Variants in DYNC1H1 observed in about 807,000 individuals in gnomAD.
DYNC1H1 encodes cytoplasmic dynein 1 heavy chain 1.
A neutral mutation model predicts 527.1 loss-of-function variants in DYNC1H1; 51 were observed. The observed-to-expected ratio is 0.10, with a 90% CI of 0.08 to 0.12. DYNC1H1 has a LOEUF of 0.12. Ranked by LOEUF, DYNC1H1 falls within the 10% of genes least tolerant of loss-of-function variation. DYNC1H1 has a pLI of 1.00. For synonymous variants in DYNC1H1, 2,189 were observed against 2,278.8 expected (o/e 0.96, Z 1.12); for missense variants, 2,771 against 5,971.8 (o/e 0.46, Z 17.66).
chr14:102,044,124 G>A lies in DYNC1H1; in HGVS notation c.12684+79G>A, dbSNP rs1595633160. 1 of 1,595,044 alleles carries A rather than the reference G, an allele frequency of 6.3e-7. No homozygotes were observed. The highest frequency in any genetic ancestry group is 1.7e-5 in the Admixed American group (1 of 57,876). The stretch of plus-strand genomic sequence containing the variant: ...TGCAGGGCGTGGTGCTGAGAGGCCA[G>A]ACTCTGCGTGGAAGAGCGAGCTGAC... On this transcript the variant is annotated intron_variant, in intron 70 of 77. Coordinates refer to ENST00000360184, the MANE Select transcript of DYNC1H1 (RefSeq NM_001376.5). This position sits in a 1 kb window ranked among gnomAD's most constrained non-coding sequence, Gnocchi z 7.1.
Position 102,027,131 on chromosome 14 carries a change from G to A in DYNC1H1, c.8772-43G>A, listed in dbSNP as rs768609501. ...AGATATGAGTCAAAAGGGGAATGAG[G>A]CATTATAAGCCTTAACATTGATCAG... is the stretch of plus-strand genomic sequence containing the variant. On this transcript the variant is annotated intron_variant, in intron 44 of 77. Coordinates refer to ENST00000360184, the MANE Select transcript of DYNC1H1 (RefSeq NM_001376.5). This position sits in a 1 kb window ranked among gnomAD's most constrained non-coding sequence, Gnocchi z 7.7. The A allele has an allele frequency of 4.4e-6, 7 of 1,585,966 alleles. No individual in the cohort carries two copies. The highest frequency in any genetic ancestry group is 1.1e-5 in the South Asian group (1 of 90,528).
Position 102,017,772 on chromosome 14 carries a change from C to G in DYNC1H1, c.8177+268C>G, listed in dbSNP as rs1013294067. The G allele has an allele frequency of 2.4e-4, 120 of 493,900 alleles. No homozygotes were observed. Among genetic ancestry groups the G allele is most frequent in the African/African-American group, 2.3e-3 (119 of 51,032 alleles). 30.6% of individuals were successfully genotyped at this position (493,900 alleles called of 1,614,324 possible). A position where few individuals can be genotyped will look rare whatever the true frequency, so the allele number is the denominator to read the frequency against. On this transcript the variant is annotated intron_variant, in intron 40 of 77. Coordinates refer to ENST00000360184, the MANE Select transcript of DYNC1H1 (RefSeq NM_001376.5). This position sits in a 1 kb window ranked among gnomAD's most constrained non-coding sequence, Gnocchi z 4.6. ...ACGAGGTCAGGAGATTGAGACCATCCTGGCCAACACAGTGAAACCTCGTCT... is the reference window on the plus strand; with the variant it reads ...ACGAGGTCAGGAGATTGAGACCATCGTGGCCAACACAGTGAAACCTCGTCT...
chr14:102,028,076 C>T lies in DYNC1H1; in HGVS notation c.9403C>T (p.Gln3135Ter). The change falls in exon 48 of 78, where the codon CAG (glutamine) becomes TAG (stop). Residue 3135 changes from glutamine (Q) to a stop codon, truncating the protein, a stop_gained. Transcript: ENST00000360184. LOFTEE classifies it high-confidence loss of function. The part of the protein sequence containing the change: ...YMPVVYDKLP[Q>*]PPSHREAIVN... ...GCCAGTTGTGTATGATAAGCTGCCG[C>T]AGCCACCATCCCATCGGGAAGCCAT... 6.2e-7 allele frequency: 1 copy of T among 1,614,208 alleles called. No homozygotes were observed. Among genetic ancestry groups the T allele is most frequent in the Non-Finnish European group, 8.5e-7 (1 of 1,180,034 alleles).
At chr14:102,023,485 G>A (rs1210151765) in intron 43 of DYNC1H1, 1 of 190,136 alleles carries the variant, frequency 5.3e-6, no homozygotes, top group African/African-American at 2.4e-5. Flanking sequence ...GGAGGCAGAA[G>A]TTGCGGTGAG....
chr14:102,018,419 G>A lies in DYNC1H1; in HGVS notation c.8178-32G>A, dbSNP rs2048349522. 2.5e-6 allele frequency: 4 copies of A among 1,609,696 alleles called. No individual in the cohort carries two copies. Among genetic ancestry groups the A allele is most frequent in the Non-Finnish European group, 1.7e-6 (2 of 1,179,470 alleles). On this transcript the variant is annotated intron_variant, in intron 40 of 77. Transcript: ENST00000360184. The surrounding 1 kb of genome is among the most constrained non-coding windows in gnomAD (Gnocchi z 5.2). ...CCCCTTCCTGGGAGGCGCTGTCAGG[G>A]AGGGGCGCTGAGCGGGGCTATCTGT...
rs748557081 is a variant in DYNC1H1, at chr14:102,033,054, G to A, written c.10080-11G>A. ...CTGCATGTGTTTAGAAATATCATTC[G>A]TCTTTTACAGTGACGCCATAAGGGA... On this transcript the variant is annotated splice_polypyrimidine_tract_variant and intron_variant, in intron 52 of 77. Coordinates refer to ENST00000360184, the MANE Select transcript of DYNC1H1 (RefSeq NM_001376.5). This position sits in a 1 kb window ranked among gnomAD's most constrained non-coding sequence, Gnocchi z 5.6. The A allele has an allele frequency of 5.1e-5, 82 of 1,610,072 alleles. 1 individual carries two copies. Among genetic ancestry groups the A allele is most frequent in the South Asian group, 3.3e-4 (30 of 91,022 alleles).
chr14:102,018,457 G>A lies in DYNC1H1; in HGVS notation c.8184G>A (p.Leu2728=). ...CGGGGCTATCTGTGCACAGGTTCCT[G>A]CGCCACGTGCCTGTCGTGTATGTGG... is the stretch of plus-strand genomic sequence containing the variant. ...PGRKPLSHRF[L]RHVPVVYVDY... Residue 2728 remains leucine (L), a synonymous_variant, in exon 41 of 78, where the codon CTG becomes CTA. Coordinates refer to ENST00000360184, the MANE Select transcript of DYNC1H1 (RefSeq NM_001376.5). This position sits in a 1 kb window ranked among gnomAD's most constrained non-coding sequence, Gnocchi z 5.2. 5 of 1,613,516 alleles carry A rather than the reference G, an allele frequency of 3.1e-6. No individual in the cohort carries two copies. Among genetic ancestry groups the A allele is most frequent in the Non-Finnish European group, 4.2e-6 (5 of 1,180,012 alleles).
intron 43 of DYNC1H1, among the ~76,000 whole-genome samples, chr14:102,024,104 G>A (rs192817715): frequency 1.2e-4 from 18 of 152,334 alleles, no homozygotes; most frequent in Non-Finnish European, 1.9e-4. Context: ...GCCGGTGGAA[G>A]GTGTTGCTTC....
Position 102,002,602 on chromosome 14 carries a change from G to A in DYNC1H1, c.4608G>A (p.Val1536=). 6.2e-7 allele frequency: 1 copy of A among 1,614,206 alleles called. No homozygotes were observed. The highest frequency in any genetic ancestry group is 8.5e-7 in the Non-Finnish European group (1 of 1,180,044). Residue 1536 remains valine, a synonymous_variant, in exon 22 of 78, where the codon GTG becomes GTA. Transcript: ENST00000360184. This position sits in a 1 kb window ranked among gnomAD's most constrained non-coding sequence, Gnocchi z 4.4. ...KLNRIMALFD[V]WIDVQRRWVY... ...ACAGGATCATGGCTCTCTTTGATGT[G>A]TGGATTGATGTGCAGAGGCGGTGGG...
At chr14:101,984,450 A>T (rs868085280) in intron 7 of DYNC1H1, among the ~76,000 whole-genome samples, 9,469 of 69,482 alleles carry the variant, frequency 0.14, 934 homozygotes, top group African/African-American at 0.33. Context: ...TATATATTAT[A>T]TTTTTTTTTT....
At position 101,965,433 on chromosome 14, in the gene DYNC1H1, G is replaced by T. The variant is rs2047655521; in HGVS notation, c.256+486G>T. On this transcript the variant is annotated intron_variant, in intron 1 of 77. Transcript: ENST00000360184. This position sits in a 1 kb window ranked among gnomAD's most constrained non-coding sequence, Gnocchi z 4.1. ...GGCCTTCGGGAGGGATGTGTCGGGG[G>T]CAGACCCGCGGAGCTGGGGGCAGCC... 6.6e-6 allele frequency among the ~76,000 whole-genome samples: 1 copy of T among 152,208 alleles called. No homozygotes were observed. The highest frequency in any genetic ancestry group is 1.5e-5 in the Non-Finnish European group (1 of 68,036).
Position 102,016,016 on chromosome 14 carries a change from A to G in DYNC1H1, c.7403A>G (p.Asn2468Ser). 1 of 1,613,808 alleles carries G rather than the reference A, an allele frequency of 6.2e-7. No individual in the cohort carries two copies. Among genetic ancestry groups the G allele is most frequent in the Non-Finnish European group, 8.5e-7 (1 of 1,179,980 alleles). The change falls in exon 36 of 78, where the codon AAC becomes AGC. Residue 2468 changes from asparagine (N) to serine (S), a missense_variant. Physicochemically the swap from Asn to Ser is conservative, Grantham distance 46. Coordinates refer to ENST00000360184, the MANE Select transcript of DYNC1H1 (RefSeq NM_001376.5). The surrounding 1 kb of genome is among the most constrained non-coding windows in gnomAD (Gnocchi z 7.3). ...TCCATGCTGCACCAGGCCTGCCGCA[A>G]CGTGGCGCAGTATAACGCCAACCAT... is the stretch of plus-strand genomic sequence containing the variant. The part of the protein sequence containing the change: ...LFSMLHQACR[N>S]VAQYNANHPD...
At position 101,987,557 on chromosome 14, in the gene DYNC1H1, C is replaced by G. The variant is rs1954973507; in HGVS notation, c.2643C>G (p.Val881=). Residue 881 remains valine, a synonymous_variant, in exon 9 of 78, where the codon GTC becomes GTG. Coordinates refer to ENST00000360184, the MANE Select transcript of DYNC1H1 (RefSeq NM_001376.5). ...HKTFSEILNR[V]QKAVDDLNLH... The stretch of plus-strand genomic sequence containing the variant: ...CATTCTCGGAAATCTTGAACAGAGT[C>G]CAGAAAGCAGTGGATGACTTAAATC... The G allele has an allele frequency of 1.2e-6, 2 of 1,614,068 alleles. No homozygotes were observed. The highest frequency in any genetic ancestry group is 1.7e-5 in the Admixed American group (1 of 60,016).
chr14:102,008,460 A>G, intron 29 of DYNC1H1, 123 bp downstream of exon 29: 2 of 1,322,426 alleles, frequency 1.5e-6, no homozygotes, highest in South Asian at 2.5e-5. Flanking sequence ...TCACTGTTAC[A>G]GGCAGTGTAG....
Position 102,050,501 on chromosome 14 carries a change from G to A in DYNC1H1, c.13879G>A (p.Ala4627Thr), listed in dbSNP as rs772344432. 1 of 1,614,230 alleles carries A rather than the reference G, an allele frequency of 6.2e-7. No homozygotes were observed. The highest frequency in any genetic ancestry group is 1.1e-5 in the South Asian group (1 of 91,080). The stretch of plus-strand genomic sequence containing the variant: ...CATCTTCACCGTGGACTTCGAAATT[G>A]CTACAAAGGAGGATCCTCGCAGCTT... ...DLIFTVDFEIATKEDPRSFYE... is the reference protein window; with the variant it reads ...DLIFTVDFEITTKEDPRSFYE... Residue 4627 changes from alanine (A) to threonine (T), a missense_variant, in exon 78 of 78, where the codon GCT (alanine) becomes ACT (threonine). Around this residue, in one of 32 missense-constraint regions of DYNC1H1, gnomAD observed 106 missense variants for 139.2 expected, o/e 0.76. Transcript: ENST00000360184.
intron 16 of DYNC1H1, among the ~76,000 whole-genome samples, chr14:101,998,879 C>CTTTTTTTTTTTTTTTTTT (rs888317854): frequency 1.9e-4 from 22 of 115,212 alleles, no homozygotes; most frequent in East Asian, 1.5e-3. Flanking sequence ...AAAACTTTTT[C>CTTTTTTTTTTTTTTTTTT]TTTTTTTTTT....
At chr14:101,998,929 T>C (rs532564559) in intron 16 of DYNC1H1, among the ~76,000 whole-genome samples, 1 of 140,346 alleles carries the variant, frequency 7.1e-6, no homozygotes, top group East Asian at 2.2e-4. Flanking sequence ...TCTCCCAGGC[T>C]GGAGTGCAGT....
chr14:102,047,587 GTATATATATATACACATA>G (rs2048737171), intron 72 of DYNC1H1: 1 of 322,082 alleles, frequency 3.1e-6, no homozygotes, highest in African/African-American at 2.7e-5. Flanking sequence ...ATACACATAC[GTATATATATATACACATA>G]TATGTATATA....
Position 101,986,876 on chromosome 14 carries a change from A to T in DYNC1H1, c.2538+113A>T. On this transcript the variant is annotated intron_variant, in intron 8 of 77. Coordinates refer to ENST00000360184, the MANE Select transcript of DYNC1H1 (RefSeq NM_001376.5). This position sits in a 1 kb window ranked among gnomAD's most constrained non-coding sequence, Gnocchi z 8.7. ...AAGGCATGCATGGTTGATGCAGCATACGGCCATGTGAGCTGCAAGGGAGGA... is the reference window on the plus strand; with the variant it reads ...AAGGCATGCATGGTTGATGCAGCATTCGGCCATGTGAGCTGCAAGGGAGGA... The T allele has an allele frequency of 7.8e-7, 1 of 1,290,234 alleles. No individual in the cohort carries two copies. Among genetic ancestry groups the T allele is most frequent in the Non-Finnish European group, 1.1e-6 (1 of 893,396 alleles). The allele number at this position is 1,290,234 out of a possible 1,614,324, so 79.9% of individuals were successfully genotyped here.
Sources: gnomAD v4.1 joint callset for allele counts (sites outside exome capture counted in the v4.1 genomes callset) on GRCh38, gnomAD v4.1.1 for gene constraint, gnomAD v4.1.1 regional missense constraint, Gnocchi (gnomAD v3.1) non-coding constraint, MANE v1.5 for transcripts, NCBI Gene and HGNC (gene_info 2026-07-23, HGNC 2026-07-21) for gene names.